The following ILDR1 variants were observed in gnomAD, a reference collection of about 807,000 sequenced individuals.
ILDR1 encodes the protein immunoglobulin-like domain-containing receptor 1.
ILDR1 carries 56 observed loss-of-function variants against 62.4 expected under a neutral mutation model. The ratio of observed to expected loss-of-function variants is 0.90; its 90% CI spans 0.72 to 1.12. The LOEUF (loss-of-function observed/expected upper bound fraction) is 1.12, where lower values mean the gene tolerates loss of function less well. Ranked by LOEUF, ILDR1 falls within the 50% of genes most tolerant of loss-of-function variation. The probability of loss-of-function intolerance (pLI) is 0.00; values close to 1 mark genes in which losing one functional copy is unlikely to be tolerated. For missense variants in ILDR1, 736 were observed against 710.6 expected, an observed-to-expected ratio of 1.04 and a Z score of -0.41; for synonymous variants, 284 against 277.8, an observed-to-expected ratio of 1.02 and a Z score of -0.22.
chr3:122,030,220 G>A, the ILDR1 span, among the ~76,000 whole-genome samples: 1 of 152,096 alleles, frequency 6.6e-6, no homozygotes, highest in Non-Finnish European at 1.5e-5. Flanking sequence ...AAGGACAAAT[G>A]GGGGCTGCAT....
rs369308683 is a variant in ILDR1, at chr3:122,012,567, A to G, written c.59-5406T>C. Among the ~76,000 whole-genome samples the G allele has an allele frequency of 4.6e-5, 7 of 152,354 alleles. No individual in the cohort carries two copies. The East Asian group carries it at 1.2e-3, about 25-fold the overall frequency. On this transcript the variant is annotated intron_variant, in intron 1 of 7. Transcript: ENST00000344209. ...GGGTCAGAAAAGGGAATTTGGTTAG[A>G]GTCAGAAGTTGACCTAGCAAGTTAT... is the stretch of plus-strand genomic sequence containing the variant.
intron 5 of ILDR1, among the ~76,000 whole-genome samples, chr3:121,996,482 C>T (rs892363932): frequency 2.0e-5 from 3 of 152,176 alleles, no homozygotes; most frequent in Admixed American, 1.3e-4. Context: ...CGTGCCTTCC[C>T]CTGCATCCCT....
chr3:122,009,211 G>A (rs1037405665), intron 1 of ILDR1, among the ~76,000 whole-genome samples: 45 of 152,026 alleles, frequency 3.0e-4, no homozygotes, highest in African/African-American at 1.0e-3. Context: ...GGTTATAGGC[G>A]TGAGCCACTG....
intron 7 of ILDR1, among the ~76,000 whole-genome samples, chr3:121,990,288 T>C (rs1471298702): frequency 6.6e-6 from 1 of 152,242 alleles, no homozygotes; most frequent in Non-Finnish European, 1.5e-5. Flanking sequence ...ACACAGTGCC[T>C]TCAAACTGAG....
chr3:122,031,581 G>A, the ILDR1 span, among the ~76,000 whole-genome samples: 9 of 152,172 alleles, frequency 5.9e-5, no homozygotes, highest in South Asian at 4.1e-4. Context: ...GAAGTGATTA[G>A]GTCATGAGGT....
chr3:122,046,919 C>T, the ILDR1 span, among the ~76,000 whole-genome samples: 5 of 143,884 alleles, frequency 3.5e-5, no homozygotes, highest in Admixed American at 1.4e-4. Flanking sequence ...TCTCTCAGCT[C>T]GTCAAAGTCA....
At chr3:122,021,995 T>G (rs763716918) in intron 1 of ILDR1, 25 bp downstream of exon 1, 1 of 1,601,782 alleles carries the variant, frequency 6.2e-7, no homozygotes, top group Non-Finnish European at 8.5e-7. Context: ...GGGTCCAGGG[T>G]GGGTACCATT....
intron 1 of ILDR1, among the ~76,000 whole-genome samples, chr3:122,017,069 T>C (rs1393516914): frequency 6.6e-6 from 1 of 151,822 alleles, no homozygotes. Context: ...TATTTATTTT[T>C]GAGAAGGGGT....
At chr3:122,025,867 T>G (rs893615051), upstream of ILDR1, among the ~76,000 whole-genome samples, 1 of 152,226 alleles carries the variant, frequency 6.6e-6, no homozygotes, top group African/African-American at 2.4e-5. Context: ...TTATGCATTT[T>G]GTATTCCCAG....
At chr3:122,025,785 C>T (rs975840102), upstream of ILDR1, among the ~76,000 whole-genome samples, 14 of 152,072 alleles carry the variant, frequency 9.2e-5, no homozygotes, top group Non-Finnish European at 2.1e-4. Context: ...AAATCATGCA[C>T]CAGCTACTTA....
the ILDR1 span, among the ~76,000 whole-genome samples, chr3:122,027,961 A>G: frequency 6.6e-6 from 1 of 152,144 alleles, no homozygotes; most frequent in Non-Finnish European, 1.5e-5. Context: ...AATCTTTGGG[A>G]TCTGATGCTA....
chr3:122,046,281 G>A, the ILDR1 span, among the ~76,000 whole-genome samples: 2 of 149,946 alleles, frequency 1.3e-5, no homozygotes, highest in African/African-American at 4.9e-5. Context: ...TTTCTGCCGA[G>A]AGATCCGCTG....
the ILDR1 span, among the ~76,000 whole-genome samples, chr3:122,044,940 T>G: frequency 1.3e-5 from 2 of 148,526 alleles, no homozygotes; most frequent in South Asian, 2.2e-4. Context: ...TGATTTTAGT[T>G]ATTTCTTGCC....
intron 6 of ILDR1, 27 bp downstream of exon 6, chr3:121,994,155 C>A: frequency 2.0e-6 from 3 of 1,535,316 alleles, no homozygotes; most frequent in South Asian, 1.2e-5. Context: ...CTGCCCTCCC[C>A]TATCCCAAAT....
chr3:122,010,079 A>G (rs1284692923), intron 1 of ILDR1, among the ~76,000 whole-genome samples: 1 of 152,186 alleles, frequency 6.6e-6, no homozygotes, highest in Non-Finnish European at 1.5e-5. Context: ...AAGATCACGC[A>G]TGAGAAGTAG....
intron 5 of ILDR1, among the ~76,000 whole-genome samples, chr3:121,998,608 G>T (rs991959720): frequency 2.6e-5 from 4 of 152,190 alleles, no homozygotes; most frequent in African/African-American, 7.2e-5. Flanking sequence ...CTTATCATTT[G>T]TGTTAGCTTT....
intron 2 of ILDR1, among the ~76,000 whole-genome samples, chr3:122,006,056 C>A (rs2071605806): frequency 6.6e-6 from 1 of 152,160 alleles, no homozygotes; most frequent in Non-Finnish European, 1.5e-5. Context: ...TAAGAGTAAC[C>A]CCCAGGAAAC....
At chr3:122,054,991 T>C in the ILDR1 span, among the ~76,000 whole-genome samples, 1 of 150,884 alleles carries the variant, frequency 6.6e-6, no homozygotes, top group East Asian at 2.0e-4. Context: ...GTTGTGGAAA[T>C]TGGCAGGGTT....
intron 5 of ILDR1, among the ~76,000 whole-genome samples, chr3:121,998,684 G>A (rs993467366): frequency 1.3e-5 from 2 of 152,054 alleles, no homozygotes; most frequent in African/African-American, 4.8e-5. Context: ...ATCTTGGGCG[G>A]GTTTTTCTTA....
Sources: gnomAD v4.1 joint callset for allele counts (sites outside exome capture counted in the v4.1 genomes callset) on GRCh38, gnomAD v4.1.1 for gene constraint, MANE v1.5 for transcripts, NCBI Gene and HGNC (gene_info 2026-07-23, HGNC 2026-07-21) for gene names.